The following PIEZO2 variants were observed in gnomAD, a reference collection of about 807,000 sequenced individuals.
PIEZO2 encodes the protein piezo-type mechanosensitive ion channel component 2.
PIEZO2 carries 172 observed loss-of-function variants against 337.3 expected under a neutral mutation model. The ratio of observed to expected loss-of-function variants is 0.51; its 90% CI spans 0.45 to 0.58. PIEZO2 has a LOEUF of 0.58. Among genes scored for constraint, PIEZO2 ranks in the 20% least tolerant of loss-of-function variants. The pLI, the probability that PIEZO2 is intolerant of heterozygous loss-of-function variation, is 0.00. For missense variants in PIEZO2, 3,028 were observed against 3,391.3 expected (o/e 0.89, Z 2.66); for synonymous variants, 1,251 against 1,228.5 (o/e 1.02, Z -0.38).
At position 11,007,510 on chromosome 18, in the gene PIEZO2, T is replaced by C. The variant is rs1401877480; in HGVS notation, c.161-27850A>G. ...CTCAGCTCTTCCAGAGATTTAAGGATGTCAATAAGCCCTAAGTATCATAAG... is the reference window on the plus strand; with the variant it reads ...CTCAGCTCTTCCAGAGATTTAAGGACGTCAATAAGCCCTAAGTATCATAAG... On this transcript the variant is annotated intron_variant, in intron 2 of 55. Coordinates refer to ENST00000674853, the MANE Select transcript of PIEZO2 (RefSeq NM_001378183.1). 4.6e-5 allele frequency among the ~76,000 whole-genome samples: 7 copies of C among 152,244 alleles called. No individual in the cohort carries two copies. The South Asian group carries it at 1.2e-3, about 27-fold the overall frequency.
rs1004023756 is a variant in PIEZO2, at chr18:10,931,713, T to TGTGTGTGTGTGAGA, written c.287-20486_287-20485insTCTCACACACACAC. ...TCTCTGTGTGGTGTGTGTGTGTGTGTGAGAGAGAGAGAGAGAGAGAGAGAG... is the reference window on the plus strand; with the variant it reads ...TCTCTGTGTGGTGTGTGTGTGTGTGTGTGTGTGTGTGAGAGAGAGAGAGAGAGAGAGAGAGAGAG... On this transcript the variant is annotated intron_variant, in intron 3 of 55. Transcript: ENST00000674853. Among the ~76,000 whole-genome samples, 1,348 of 147,800 alleles carry TGTGTGTGTGTGAGA rather than the reference T, an allele frequency of 9.1e-3. 27 individuals are homozygous for TGTGTGTGTGTGAGA. The highest frequency in any genetic ancestry group is 0.031 in the African/African-American group (1,253 of 39,854).
chr18:10,741,145 A>T, intron 32 of PIEZO2, 43 bp from the exon 33 acceptor site: 1 of 1,491,830 alleles, frequency 6.7e-7, no homozygotes, highest in African/African-American at 1.4e-5. Flanking sequence ...ATAAAGTGAG[A>T]AAACAAATTT....
chr18:10,697,621 C>T (rs1271923474), intron 45 of PIEZO2, 127 bp downstream of exon 45: 72 of 1,247,064 alleles, frequency 5.8e-5, no homozygotes, highest in Non-Finnish European at 7.3e-5. Flanking sequence ...TAATTTCATT[C>T]TGCCTTACGC....
chr18:10,800,622 T>C (rs1255947369), intron 10 of PIEZO2, 147 bp from the exon 11 acceptor site: 8 of 929,854 alleles, frequency 8.6e-6, no homozygotes, highest in Non-Finnish European at 1.1e-5. Context: ...CCAAATATTT[T>C]AGTAAGGGGA....
chr18:10,931,713 T>TGTGTGTGTGTGA (rs1004023756), intron 3 of PIEZO2, among the ~76,000 whole-genome samples: 163 of 147,860 alleles, frequency 1.1e-3, no homozygotes, highest in African/African-American at 3.8e-3. Flanking sequence ...TGTGTGTGTG[T>TGTGTGTGTGTGA]GAGAGAGAGA....
intron 16 of PIEZO2, among the ~76,000 whole-genome samples, chr18:10,785,965 C>G (rs188963732): frequency 6.6e-6 from 1 of 152,196 alleles, no homozygotes; most frequent in Non-Finnish European, 1.5e-5. Context: ...CCACTCACCC[C>G]CTGTCTTCAG....
chr18:10,928,258 G>A (rs2031869482), intron 3 of PIEZO2, among the ~76,000 whole-genome samples: 1 of 152,208 alleles, frequency 6.6e-6, no homozygotes, highest in Non-Finnish European at 1.5e-5. Context: ...TGATTCCAGA[G>A]TACACTGTCA....
chr18:10,797,107 CCAT>C (rs1318970997), intron 12 of PIEZO2, among the ~76,000 whole-genome samples: 1 of 151,194 alleles, frequency 6.6e-6, no homozygotes, highest in Admixed American at 6.6e-5. Context: ...TATATATGTA[CCAT>C]CATATTATAC....
rs186697834 is a variant in PIEZO2, at chr18:10,707,364, G to A, written c.5588+911C>T. Among the ~76,000 whole-genome samples, 5 of 152,194 alleles carry A rather than the reference G, an allele frequency of 3.3e-5. No homozygotes were observed. The highest frequency in any genetic ancestry group is 6.5e-5 in the Admixed American group (1 of 15,296). On this transcript the variant is annotated intron_variant, in intron 40 of 55. Transcript: ENST00000674853. The surrounding 1 kb of genome is among the most constrained non-coding windows in gnomAD (Gnocchi z 4.2). ...GGACTGGCATGGCAGGCACATGCCC[G>A]CCAGAGGACTTTGTCAAATGGCCAA...
At chr18:11,118,906 T>C (rs2039960370) in intron 1 of PIEZO2, among the ~76,000 whole-genome samples, 1 of 152,202 alleles carries the variant, frequency 6.6e-6, no homozygotes, top group South Asian at 2.1e-4. Context: ...GAATTTTTAA[T>C]TCTTCACCTT....
rs756301197 is a variant in PIEZO2 at position 10,859,819 on chromosome 18, G to A, written c.493-2608C>T. 2.6e-5 allele frequency among the ~76,000 whole-genome samples: 4 copies of A among 152,206 alleles called. No individual in the cohort carries two copies. The highest frequency in any genetic ancestry group is 5.9e-5 in the Non-Finnish European group (4 of 68,042). On this transcript the variant is annotated intron_variant, in intron 5 of 55. Transcript: ENST00000674853. The surrounding 1 kb of genome is among the most constrained non-coding windows in gnomAD (Gnocchi z 4.9). ...TTGCCACATAACTCTAGTTGCTCCT[G>A]GGGCGGAGCAGAGGGAGGCAGCAGC...
intron 3 of PIEZO2, among the ~76,000 whole-genome samples, chr18:10,964,794 G>C (rs2033932323): frequency 6.6e-6 from 1 of 152,148 alleles, no homozygotes. Flanking sequence ...ACACCAATCT[G>C]CTTTCTGTCC....
intron 2 of PIEZO2, among the ~76,000 whole-genome samples, chr18:11,045,295 CAAAAAAAAA>C (rs58924653): frequency 1.9e-4 from 10 of 52,340 alleles, no homozygotes; most frequent in East Asian, 1.8e-3. Context: ...GACTCCGTCT[CAAAAAAAAA>C]AAAAAAAAAA....
In PIEZO2 at chr18:10,773,059, T is replaced by G. The variant is rs1327253630; in HGVS notation, c.2785+353A>C. ...AGAATGCATTTGTAAGGGCGATGTC[T>G]AGAGCCTTTGAGATTCTGCACAGCC... On this transcript the variant is annotated intron_variant, in intron 20 of 55. Coordinates refer to ENST00000674853, the MANE Select transcript of PIEZO2 (RefSeq NM_001378183.1). This position sits in a 1 kb window ranked among gnomAD's most constrained non-coding sequence, Gnocchi z 5.3. Among the ~76,000 whole-genome samples, 2 of 152,218 alleles carry G rather than the reference T, an allele frequency of 1.3e-5. No homozygotes were observed. Among genetic ancestry groups the G allele is most frequent in the Admixed American group, 6.5e-5 (1 of 15,284 alleles).
In PIEZO2 at chr18:11,102,547, G is replaced by T. The variant is rs1363203396; in HGVS notation, c.65-36325C>A. 1.3e-5 allele frequency among the ~76,000 whole-genome samples: 2 copies of T among 152,204 alleles called. No individual in the cohort carries two copies. The highest frequency in any genetic ancestry group is 4.8e-5 in the African/African-American group (2 of 41,452). ...GCAGAGGATGGGGCTATGGGGAGAGGAAGCATCGGGGGTGAAGCATCATGC... is the reference window on the plus strand; with the variant it reads ...GCAGAGGATGGGGCTATGGGGAGAGTAAGCATCGGGGGTGAAGCATCATGC... On this transcript the variant is annotated intron_variant, in intron 1 of 55. Transcript: ENST00000674853. The surrounding 1 kb of genome is among the most constrained non-coding windows in gnomAD (Gnocchi z 5.7).
intron 2 of PIEZO2, among the ~76,000 whole-genome samples, chr18:11,015,854 C>G (rs1005913968): frequency 6.6e-6 from 1 of 152,182 alleles, no homozygotes; most frequent in African/African-American, 2.4e-5. Context: ...CACTTTAAAT[C>G]AAAACTGTTC....
rs113591783 is a variant in PIEZO2, at chr18:11,028,264, A to AT, written c.160+37862dup. On this transcript the variant is annotated intron_variant, in intron 2 of 55. Coordinates refer to ENST00000674853, the MANE Select transcript of PIEZO2 (RefSeq NM_001378183.1). This position sits in a 1 kb window ranked among gnomAD's most constrained non-coding sequence, Gnocchi z 4.8. ...TTCTTCTTCTTCTTTATTTTTTATT[A>AT]TTTTTTTTTATTTTTTGAGACAGAG... Among the ~76,000 whole-genome samples, 60 of 149,270 alleles carry AT rather than the reference A, an allele frequency of 4.0e-4. No homozygotes were observed. Among genetic ancestry groups the AT allele is most frequent in the Admixed American group, 1.3e-3 (20 of 14,956 alleles).
intron 36 of PIEZO2, among the ~76,000 whole-genome samples, chr18:10,728,954 C>CAA (rs143511795): frequency 1.9e-3 from 140 of 75,486 alleles, no homozygotes; most frequent in African/African-American, 5.2e-3. Context: ...GACTCTGTCT[C>CAA]AAAAAAAAAA....
rs1047517083 is a variant in PIEZO2 at position 11,096,082 on chromosome 18, A to G, written c.65-29860T>C. On this transcript the variant is annotated intron_variant, in intron 1 of 55. Transcript: ENST00000674853. The surrounding 1 kb of genome is among the most constrained non-coding windows in gnomAD (Gnocchi z 4.6). ...CACTGCATGGAAAGGGCTTGGAACC[A>G]GCGGAGCTGTCCAAGTGAGGCTTCC... Among the ~76,000 whole-genome samples the G allele has an allele frequency of 2.4e-4, 37 of 152,238 alleles. No homozygotes were observed. Among genetic ancestry groups the G allele is most frequent in the African/African-American group, 8.9e-4 (37 of 41,468 alleles).
Sources: allele counts gnomAD v4.1 joint callset (sites outside exome capture counted in the v4.1 genomes callset), GRCh38; gene constraint gnomAD v4.1.1; non-coding constraint Gnocchi (gnomAD v3.1); transcripts MANE v1.5; gene names NCBI Gene and HGNC (gene_info 2026-07-23, HGNC 2026-07-21).